Variants in TXNRD1 observed in about 807,000 individuals in gnomAD.
TXNRD1 encodes the protein thioredoxin reductase 1, cytoplasmic.
In TXNRD1, 57 loss-of-function variants were observed where a neutral mutation model predicts 80.3. The ratio of observed to expected loss-of-function variants is 0.71; its 90% CI spans 0.57 to 0.89. The LOEUF (loss-of-function observed/expected upper bound fraction) is 0.89. Among genes scored for constraint, TXNRD1 ranks in the 40% least tolerant of loss-of-function variants. TXNRD1 has a pLI of 0.00. For synonymous variants in TXNRD1, 291 were observed against 285.2 expected (o/e 1.02, Z -0.20); for missense variants, 730 against 803.0 (o/e 0.91, Z 1.10).
chr12:104,234,913 A>G (rs1477822646), intron 1 of TXNRD1, among the ~76,000 whole-genome samples: 2 of 152,184 alleles, frequency 1.3e-5, no homozygotes, highest in African/African-American at 2.4e-5. Context: ...ACTCCTTTCT[A>G]TGGTGTTTTT....
At chr12:104,288,530 C>T (rs999420674) in intron 3 of TXNRD1, among the ~76,000 whole-genome samples, 1 of 152,194 alleles carries the variant, frequency 6.6e-6, no homozygotes, top group African/African-American at 2.4e-5. Context: ...GAGTTGAAAG[C>T]AAGATCAAAC....
rs1039650973 is a variant in TXNRD1 at position 104,291,036 on chromosome 12, T to C, written c.414+1996T>C. On this transcript the variant is annotated intron_variant, in intron 4 of 16. Transcript: ENST00000525566. ...GTTGTCCAGGCTGGTCTTGAACTCCTGGGCTCAAGCGATCATCCGGCCTCG... is the reference window on the plus strand; with the variant it reads ...GTTGTCCAGGCTGGTCTTGAACTCCCGGGCTCAAGCGATCATCCGGCCTCG... 4 of 685,200 alleles carry C rather than the reference T, an allele frequency of 5.8e-6. No homozygotes were observed. In the Admixed American group the frequency reaches 8.7e-5, roughly 15 times the overall value. The allele number at this position is 685,200 out of a possible 1,614,324, so 42.4% of individuals were successfully genotyped here.
intron 1 of TXNRD1, among the ~76,000 whole-genome samples, chr12:104,224,328 A>G (rs181813161): frequency 6.6e-6 from 1 of 152,168 alleles, no homozygotes; most frequent in Admixed American, 6.5e-5. Flanking sequence ...TGTAGGACAT[A>G]TAGTGTATTG....
intron 10 of TXNRD1, among the ~76,000 whole-genome samples, chr12:104,322,133 G>C (rs1175823250): frequency 6.6e-6 from 1 of 151,550 alleles, no homozygotes; most frequent in Non-Finnish European, 1.5e-5. Flanking sequence ...CCAGTTTCTT[G>C]CTCTATGACT....
rs536158604 is a variant in TXNRD1, at chr12:104,338,995, C to T, written c.1747-144C>T. On this transcript the variant is annotated intron_variant, in intron 15 of 16. Transcript: ENST00000525566. ...CCTCCCAAAGTGCTGGGATTACAGG[C>T]GTGAGCCACTGCGCCCGGCCAGTCT... 483 of 1,054,918 alleles carry T rather than the reference C, an allele frequency of 4.6e-4. 1 individual carries two copies. The African/African-American group carries it at 7.1e-3, about 16-fold the overall frequency. 65.3% of individuals were successfully genotyped at this position (1,054,918 alleles called of 1,614,324 possible).
intron 1 of TXNRD1, among the ~76,000 whole-genome samples, chr12:104,228,309 A>G (rs1353415637): frequency 6.6e-6 from 1 of 151,814 alleles, no homozygotes; most frequent in Non-Finnish European, 1.5e-5. Flanking sequence ...CTCAAAAAAA[A>G]AAAAAAAAAA....
rs757283703 is a variant in TXNRD1, at chr12:104,321,245, A to G, written c.1144A>G (p.Met382Val). 5 of 1,613,860 alleles carry G rather than the reference A, an allele frequency of 3.1e-6. No homozygotes were observed. Among genetic ancestry groups the G allele is most frequent in the Middle Eastern group, 1.6e-4 (1 of 6,084 alleles). Reference sequence around the variant, plus strand: ...TCTTCTTAGAGGATTTGACCAGGACATGGCCAACAAAATTGGTGAACACAT... The same window carrying G: ...TCTTCTTAGAGGATTTGACCAGGACGTGGCCAACAAAATTGGTGAACACAT... ...SILLRGFDQDMANKIGEHMEE... is the reference protein window; with the variant it reads ...SILLRGFDQDVANKIGEHMEE... The change falls in exon 10 of 17, where the codon ATG becomes GTG. Residue 382 changes from methionine (M) to valine (V), a missense_variant. Met to Val is a conservative substitution (Grantham distance 21). Transcript: ENST00000525566.
chr12:104,309,999 C>T (rs2035073866), intron 4 of TXNRD1: 9 of 1,536,150 alleles, frequency 5.9e-6, no homozygotes, highest in South Asian at 1.2e-5. Context: ...ACCGCACCCC[C>T]TTCCACATCC....
chr12:104,280,312 A>T (rs2033850442), intron 3 of TXNRD1: 1 of 152,176 alleles, frequency 6.6e-6, no homozygotes, highest in Admixed American at 6.6e-5. Context: ...AGTGCTTGAA[A>T]TAGTTGATCT....
chr12:104,246,244 G>A (rs1193531521), intron 1 of TXNRD1, among the ~76,000 whole-genome samples: 1 of 148,318 alleles, frequency 6.7e-6, no homozygotes, highest in East Asian at 2.0e-4. Context: ...TGGCTAACAC[G>A]GTGAAACCCC....
chr12:104,311,214 A>G (rs2035119683), intron 4 of TXNRD1, 76 bp from the exon 5 acceptor site: 2 of 1,456,138 alleles, frequency 1.4e-6, no homozygotes, highest in Non-Finnish European at 1.8e-6. Flanking sequence ...TCTTTAAGAA[A>G]AGATTTTCTT....
intron 1 of TXNRD1, among the ~76,000 whole-genome samples, chr12:104,233,679 G>A (rs536641461): frequency 8.5e-5 from 13 of 152,100 alleles, no homozygotes; most frequent in African/African-American, 2.7e-4. Flanking sequence ...CAGCCACTAC[G>A]CCTGGCTAAT....
rs1362282503 is a variant in TXNRD1, at chr12:104,318,857, G to T, written c.731-56G>T. ...TTCACTTGAGTGGTTATTGAGAAAT[G>T]ATCTTTGCCAGCAGTTGAAAAGCCA... On this transcript the variant is annotated intron_variant, in intron 7 of 16. Transcript: ENST00000525566. 3 of 1,575,622 alleles carry T rather than the reference G, an allele frequency of 1.9e-6. No individual in the cohort carries two copies. In the African/African-American group the frequency reaches 4.1e-5, roughly 21 times the overall value.
chr12:104,267,143 G>T (rs2033510737), intron 3 of TXNRD1, among the ~76,000 whole-genome samples: 1 of 143,674 alleles, frequency 7.0e-6, no homozygotes, highest in African/African-American at 2.6e-5. Context: ...TCTAGCCTGG[G>T]CAACAGAGTG....
chr12:104,225,225 T>G (rs2032445577), intron 1 of TXNRD1, among the ~76,000 whole-genome samples: 1 of 152,184 alleles, frequency 6.6e-6, no homozygotes, highest in African/African-American at 2.4e-5. Context: ...CCAGGTACTG[T>G]GCTGAGTGCT....
At chr12:104,272,335 G>A (rs1280603310) in intron 3 of TXNRD1, among the ~76,000 whole-genome samples, 1 of 152,166 alleles carries the variant, frequency 6.6e-6, no homozygotes, top group Admixed American at 6.6e-5. Flanking sequence ...GAGGGACAGG[G>A]TGAGTGGTTT....
intron 4 of TXNRD1, among the ~76,000 whole-genome samples, chr12:104,308,231 A>C (rs1367089018): frequency 6.6e-6 from 1 of 152,088 alleles, no homozygotes; most frequent in African/African-American, 2.4e-5. Flanking sequence ...TCCAGACCTC[A>C]TGATCCACCC....
intron 10 of TXNRD1, among the ~76,000 whole-genome samples, chr12:104,321,521 A>G (rs954887687): frequency 2.0e-5 from 3 of 152,026 alleles, no homozygotes; most frequent in Admixed American, 2.0e-4. Context: ...TAGATTAATA[A>G]TCTCTTCCTT....
chr12:104,251,148 A>G lies in TXNRD1; in HGVS notation c.92-379A>G, dbSNP rs541559276. Among the ~76,000 whole-genome samples, 4 of 152,308 alleles carry G rather than the reference A, an allele frequency of 2.6e-5. No homozygotes were observed. In the East Asian group the frequency reaches 7.7e-4, roughly 29 times the overall value. On this transcript the variant is annotated intron_variant, in intron 1 of 16. Coordinates refer to ENST00000525566, the MANE Select transcript of TXNRD1 (RefSeq NM_001093771.3). ...AAGCAGGGTTGTGTTGGAAGGGGAC[A>G]TCTGTCTGACATTTGGCCTCTCTGC...
Sources: gnomAD v4.1 joint callset for allele counts (sites outside exome capture counted in the v4.1 genomes callset) on GRCh38, gnomAD v4.1.1 for gene constraint, MANE v1.5 for transcripts, NCBI Gene and HGNC (gene_info 2026-07-23, HGNC 2026-07-21) for gene names.